Variants in PLEKHD1 observed in about 807,000 individuals in gnomAD.
PLEKHD1 encodes the protein pleckstrin homology and coiled-coil domain containing D1.
A neutral mutation model predicts 69.2 loss-of-function variants in PLEKHD1; 51 were observed. The observed-to-expected ratio is 0.74, with a 90% CI of 0.59 to 0.93. PLEKHD1 has a LOEUF of 0.93. Among genes scored for constraint, PLEKHD1 ranks in the 40% least tolerant of loss-of-function variants. PLEKHD1 has a pLI of 0.00. For synonymous variants in PLEKHD1, 236 were observed against 244.7 expected (o/e 0.96, Z 0.33); for missense variants, 584 against 641.0 (o/e 0.91, Z 0.96).
Position 69,524,297 on chromosome 14 carries a change from C to G in PLEKHD1, c.719C>G (p.Thr240Arg), listed in dbSNP as rs780185148. 1 of 1,551,586 alleles carries G rather than the reference C, an allele frequency of 6.4e-7. No homozygotes were observed. The highest frequency in any genetic ancestry group is 8.7e-7 in the Non-Finnish European group (1 of 1,146,924). ...EQEKKELRHLTESLQQTLEEL... is the reference protein window; with the variant it reads ...EQEKKELRHLRESLQQTLEEL... ...GAGAAAAAGGAACTGAGGCACCTCA[C>G]GGAGTCCTTGCAGCAGACACTGGAG... Residue 240 changes from threonine (T) to arginine (R), a missense_variant, in exon 8 of 13, where the codon ACG becomes AGG. Thr to Arg is a moderately conservative substitution (Grantham distance 71). Transcript: ENST00000322564.
At chr14:69,495,661 C>A (rs912712594) in intron 1 of PLEKHD1, among the ~76,000 whole-genome samples, 3 of 152,202 alleles carry the variant, frequency 2.0e-5, no homozygotes, top group African/African-American at 7.2e-5. Context: ...GCAATCTGGC[C>A]CAACTGCCGC....
intron 1 of PLEKHD1, among the ~76,000 whole-genome samples, chr14:69,488,880 T>C (rs564717763): frequency 1.1e-4 from 17 of 152,250 alleles, no homozygotes; most frequent in African/African-American, 4.1e-4. Flanking sequence ...CTTTTCTGAG[T>C]CTCCTCAGAT....
chr14:69,522,797 A>G (rs901916192), intron 7 of PLEKHD1, among the ~76,000 whole-genome samples: 1 of 152,082 alleles, frequency 6.6e-6, no homozygotes, highest in Non-Finnish European at 1.5e-5. Context: ...AGTACCATGT[A>G]TTGTTTGTAA....
the PLEKHD1 span, among the ~76,000 whole-genome samples, chr14:69,475,505 G>A: frequency 6.6e-6 from 1 of 152,170 alleles, no homozygotes; most frequent in African/African-American, 2.4e-5. Context: ...TTGGGTGTGA[G>A]TGATTACTGG....
chr14:69,490,510 G>T (rs1192310269), intron 1 of PLEKHD1, among the ~76,000 whole-genome samples: 1 of 152,112 alleles, frequency 6.6e-6, no homozygotes, highest in Non-Finnish European at 1.5e-5. Flanking sequence ...CAGGGCCCAG[G>T]GGTTGAAGAC....
At chr14:69,513,986 T>A (rs915349850) in intron 6 of PLEKHD1, among the ~76,000 whole-genome samples, 2 of 152,176 alleles carry the variant, frequency 1.3e-5, no homozygotes, top group Non-Finnish European at 2.9e-5. Flanking sequence ...ATAGGTAATT[T>A]TTTCTTCTTC....
Position 69,526,574 on chromosome 14 carries a change from A to G in PLEKHD1, c.924-123A>G, listed in dbSNP as rs912685082. On this transcript the variant is annotated intron_variant, in intron 9 of 12. Transcript: ENST00000322564. ...CTGGGTGCCTGGACCCACAAAGTTCAGGGGCTCATAAAGCCTGGGATTCAA... is the reference window on the plus strand; with the variant it reads ...CTGGGTGCCTGGACCCACAAAGTTCGGGGGCTCATAAAGCCTGGGATTCAA... The G allele has an allele frequency of 4.9e-6, 6 of 1,236,852 alleles. No homozygotes were observed. In the African/African-American group the frequency reaches 9.2e-5, roughly 19 times the overall value. 76.6% of individuals were successfully genotyped at this position (1,236,852 alleles called of 1,614,324 possible). A position where few individuals can be genotyped will look rare whatever the true frequency, so the allele number is the denominator to read the frequency against.
chr14:69,490,525 G>T (rs1170274095), intron 1 of PLEKHD1, among the ~76,000 whole-genome samples: 2 of 152,204 alleles, frequency 1.3e-5, no homozygotes, highest in Non-Finnish European at 2.9e-5. Context: ...GAAGACTCCT[G>T]TTTTACACAT....
In PLEKHD1 at chr14:69,524,296, A is replaced by G; in HGVS notation, c.718A>G (p.Thr240Ala). ...EQEKKELRHLTESLQQTLEEL... is the reference protein window; with the variant it reads ...EQEKKELRHLAESLQQTLEEL... ...AGAGAAAAAGGAACTGAGGCACCTC[A>G]CGGAGTCCTTGCAGCAGACACTGGA... The change falls in exon 8 of 13, where the codon ACG becomes GCG. Residue 240 changes from threonine to alanine, a missense_variant. Coordinates refer to ENST00000322564, the MANE Select transcript of PLEKHD1 (RefSeq NM_001161498.2). 1 of 1,551,612 alleles carries G rather than the reference A, an allele frequency of 6.4e-7. No individual in the cohort carries two copies. The highest frequency in any genetic ancestry group is 8.7e-7 in the Non-Finnish European group (1 of 1,146,946).
chr14:69,524,875 C>T (rs1883606978), intron 8 of PLEKHD1, among the ~76,000 whole-genome samples: 1 of 152,094 alleles, frequency 6.6e-6, no homozygotes, highest in African/African-American at 2.4e-5. Context: ...CCCTTCACTG[C>T]TCCTCCATGC....
intron 7 of PLEKHD1, 111 bp from the exon 8 acceptor site, chr14:69,524,118 G>C (rs1013388618): frequency 9.6e-6 from 8 of 831,848 alleles, no homozygotes; most frequent in African/African-American, 5.1e-5. Context: ...CCATTCAAGA[G>C]CCCTCCTGAG....
At chr14:69,517,046 A>C (rs1035322560) in intron 6 of PLEKHD1, among the ~76,000 whole-genome samples, 2 of 152,068 alleles carry the variant, frequency 1.3e-5, no homozygotes, top group African/African-American at 4.8e-5. Flanking sequence ...AGGCCACTGC[A>C]TTAGTCCAGG....
the PLEKHD1 span, among the ~76,000 whole-genome samples, chr14:69,478,293 A>C: frequency 7.2e-5 from 11 of 152,114 alleles, no homozygotes; most frequent in Non-Finnish European, 1.6e-4. Flanking sequence ...CCATGAAACC[A>C]CTTTTTCCTC....
chr14:69,496,702 AT>A (rs375368521), intron 1 of PLEKHD1, among the ~76,000 whole-genome samples: 1,147 of 112,896 alleles, frequency 0.01, 7 homozygotes, highest in African/African-American at 0.018. Flanking sequence ...TGCCCAGCTA[AT>A]TTTTTTTTTT....
intron 6 of PLEKHD1, among the ~76,000 whole-genome samples, chr14:69,518,773 G>A (rs1019817317): frequency 6.6e-6 from 1 of 152,122 alleles, no homozygotes; most frequent in African/African-American, 2.4e-5. Flanking sequence ...CCTCAAGGGG[G>A]ATAAGCCGGA....
intron 6 of PLEKHD1, among the ~76,000 whole-genome samples, chr14:69,514,789 C>T (rs1410266406): frequency 6.6e-6 from 1 of 152,150 alleles, no homozygotes; most frequent in Non-Finnish European, 1.5e-5. Context: ...GGCTTTCCCC[C>T]ACCTTAGGTA....
At chr14:69,514,646 G>A (rs1883343743) in intron 6 of PLEKHD1, among the ~76,000 whole-genome samples, 1 of 151,406 alleles carries the variant, frequency 6.6e-6, no homozygotes, top group South Asian at 2.1e-4. Flanking sequence ...TTTGTTGAAT[G>A]CCCTTTATTT....
At chr14:69,494,057 G>A (rs1265680026) in intron 1 of PLEKHD1, among the ~76,000 whole-genome samples, 3 of 152,184 alleles carry the variant, frequency 2.0e-5, no homozygotes, top group Admixed American at 6.5e-5. Flanking sequence ...AAATGGAAAA[G>A]GAGGTCAGGG....
intron 4 of PLEKHD1, chr14:69,501,303 T>C: frequency 5.4e-6 from 2 of 369,566 alleles, no homozygotes; most frequent in Non-Finnish European, 5.0e-6. Flanking sequence ...ATCACAGAAA[T>C]CTCCTGCCAA....
Sources: gnomAD v4.1 joint callset for allele counts (sites outside exome capture counted in the v4.1 genomes callset) on GRCh38, gnomAD v4.1.1 for gene constraint, MANE v1.5 for transcripts, NCBI Gene and HGNC (gene_info 2026-07-23, HGNC 2026-07-21) for gene names.